Variants in RUFY2 observed in about 807,000 individuals in gnomAD.
RUFY2 encodes RUN and FYVE domain containing 2.
RUFY2 carries 49 observed loss-of-function variants against 94.4 expected under a neutral mutation model. That is an observed-to-expected ratio of 0.52 (90% CI 0.41 to 0.66). The LOEUF is 0.66. Among genes scored for constraint, RUFY2 ranks in the 30% least tolerant of loss-of-function variants. RUFY2 has a pLI of 0.00. For synonymous variants in RUFY2, 255 were observed against 235.7 expected (o/e 1.08, Z -0.75); for missense variants, 541 against 692.8 (o/e 0.78, Z 2.46).
intron 13 of RUFY2, among the ~76,000 whole-genome samples, chr10:68,366,291 C>T (rs2047805522): frequency 7.8e-6 from 1 of 128,882 alleles, no homozygotes; most frequent in Non-Finnish European, 1.5e-5. Context: ...GATCTCACTA[C>T]TGCACTCTAG....
intron 7 of RUFY2, among the ~76,000 whole-genome samples, chr10:68,390,074 A>G (rs963334198): frequency 6.6e-6 from 1 of 152,216 alleles, no homozygotes; most frequent in African/African-American, 2.4e-5. Flanking sequence ...GTTACCAAAA[A>G]GTGATTAGAA....
At chr10:68,386,285 A>C (rs982708615) in intron 7 of RUFY2, among the ~76,000 whole-genome samples, 157 bp from the exon 8 acceptor site, 1 of 152,186 alleles carries the variant, frequency 6.6e-6, no homozygotes, top group Admixed American at 6.5e-5. Context: ...GGATAACTTG[A>C]TTTAGCTAGG....
chr10:68,359,793 A>T (rs2047336420), intron 15 of RUFY2, among the ~76,000 whole-genome samples: 1 of 151,428 alleles, frequency 6.6e-6, no homozygotes, highest in Non-Finnish European at 1.5e-5. Context: ...CCGTCTCAAA[A>T]AAAAAAAAAG....
rs879508697 is a variant in RUFY2 at position 68,385,263 on chromosome 10, C to CAA, written c.720+794_720+795dup. Among the ~76,000 whole-genome samples, 11 of 121,740 alleles carry CAA rather than the reference C, an allele frequency of 9.0e-5. No individual in the cohort carries two copies. The East Asian group carries it at 1.6e-3, about 18-fold the overall frequency. 79.9% of individuals were successfully genotyped at this position (121,740 alleles called of 152,430 possible). On this transcript the variant is annotated intron_variant, in intron 8 of 17. Transcript: ENST00000602465. ...TGGGTGACAGAGCAAGACTCCATCT[C>CAA]AAAAAAAAAAAAAATTTAGGCTAAT...
chr10:68,382,345 C>A lies in RUFY2; in HGVS notation c.940-946G>T, dbSNP rs191421322. On this transcript the variant is annotated intron_variant, in intron 10 of 17. Coordinates refer to ENST00000602465, the MANE Select transcript of RUFY2 (RefSeq NM_001330103.2). ...TGCTGGGATTACAGGCGTGAGCCAC[C>A]GTGCCCGGCCAACACAGTTTAATTT... Among the ~76,000 whole-genome samples, 1,137 of 151,852 alleles carry A rather than the reference C, an allele frequency of 7.5e-3. 6 individuals carry two copies. The highest frequency in any genetic ancestry group is 0.012 in the Non-Finnish European group (786 of 67,958).
intron 2 of RUFY2, among the ~76,000 whole-genome samples, chr10:68,402,904 G>A (rs866624551): frequency 1.9e-4 from 27 of 144,876 alleles, no homozygotes; most frequent in African/African-American, 5.6e-4. Context: ...GGAGTGCAGT[G>A]GCATGATCTC....
chr10:68,370,448 CTTTT>C (rs949829713), intron 13 of RUFY2, among the ~76,000 whole-genome samples: 2 of 126,156 alleles, frequency 1.6e-5, no homozygotes, highest in African/African-American at 2.9e-5. Flanking sequence ...TTTCTTTTTT[CTTTT>C]TTTTTTTTTT....
At chr10:68,387,680 C>T (rs536864426) in intron 7 of RUFY2, among the ~76,000 whole-genome samples, 56 of 152,240 alleles carry the variant, frequency 3.7e-4, no homozygotes, top group South Asian at 2.9e-3. Flanking sequence ...AAGAGCCCTG[C>T]TTTTCTACTT....
Position 68,345,528 on chromosome 10 carries a change from T to C in RUFY2, c.*240A>G, listed in dbSNP as rs555029706. On this transcript the variant is annotated 3_prime_UTR_variant, in exon 18 of 18. Coordinates refer to ENST00000602465, the MANE Select transcript of RUFY2 (RefSeq NM_001330103.2). ...ATAAGGCAAGTTGTGTTAGCTCTGCTCTCTGGCCTTTTAATGAGTTACATG... is the reference window on the plus strand; with the variant it reads ...ATAAGGCAAGTTGTGTTAGCTCTGCCCTCTGGCCTTTTAATGAGTTACATG... The C allele has an allele frequency of 4.0e-5, 19 of 472,172 alleles. No individual in the cohort carries two copies. Among genetic ancestry groups the C allele is most frequent in the Non-Finnish European group, 5.9e-5 (16 of 269,782 alleles). 29.2% of individuals were successfully genotyped at this position (472,172 alleles called of 1,614,324 possible).
chr10:68,387,143 A>T (rs1422907568), intron 7 of RUFY2, among the ~76,000 whole-genome samples: 1 of 151,934 alleles, frequency 6.6e-6, no homozygotes, highest in Non-Finnish European at 1.5e-5. Context: ...GATCACCTGA[A>T]GTCAGGAGTT....
downstream of RUFY2, chr10:68,341,617 ACTC>A (rs771888170): frequency 3.1e-6 from 5 of 1,612,598 alleles, no homozygotes; most frequent in East Asian, 1.1e-4. Flanking sequence ...CTTGAATTCT[ACTC>A]CTGGAGGCGG....
At chr10:68,355,127 G>A (rs1425012803) in intron 16 of RUFY2, among the ~76,000 whole-genome samples, 4 of 152,154 alleles carry the variant, frequency 2.6e-5, no homozygotes, top group South Asian at 2.1e-4. Flanking sequence ...GATTACGGGC[G>A]TGAGCCACTG....
rs560718466 is a variant in RUFY2, at chr10:68,386,501, C to T, written c.651-373G>A. The stretch of plus-strand genomic sequence containing the variant: ...AATAGCTGGGTTTACAGGCGTGCGC[C>T]ACCATGCCCGGCTAATTTTTGTATT... On this transcript the variant is annotated intron_variant, in intron 7 of 17. Coordinates refer to ENST00000602465, the MANE Select transcript of RUFY2 (RefSeq NM_001330103.2). 5.3e-5 allele frequency among the ~76,000 whole-genome samples: 8 copies of T among 152,222 alleles called. 1 individual carries two copies. The South Asian group carries it at 1.7e-3, about 32-fold the overall frequency.
Position 68,374,946 on chromosome 10 carries a change from T to C in RUFY2, c.1325+1907A>G, listed in dbSNP as rs7899964. ...TATTCTTTAAAATCTTTTCTATCTA[T>C]ATATAAATATATATGCATGCATGGT... On this transcript the variant is annotated intron_variant, in intron 13 of 17. Transcript: ENST00000602465. 7.9e-3 allele frequency among the ~76,000 whole-genome samples: 1,200 copies of C among 152,302 alleles called. 24 individuals are homozygous for C. Among genetic ancestry groups the C allele is most frequent in the African/African-American group, 0.028 (1,159 of 41,570 alleles).
In RUFY2 at chr10:68,383,930, A is replaced by T; in HGVS notation, c.823-16T>A. 6.2e-7 allele frequency: 1 copy of T among 1,600,498 alleles called. No homozygotes were observed. The highest frequency in any genetic ancestry group is 8.6e-7 in the Non-Finnish European group (1 of 1,168,948). On this transcript the variant is annotated splice_polypyrimidine_tract_variant and intron_variant, in intron 9 of 17. Coordinates refer to ENST00000602465, the MANE Select transcript of RUFY2 (RefSeq NM_001330103.2). Reference sequence around the variant, plus strand: ...CTTTGGTAACCTAGGAAGAAAACAAAATTTTTCATTCTATAATCACTACTA... The same window carrying T: ...CTTTGGTAACCTAGGAAGAAAACAATATTTTTCATTCTATAATCACTACTA...
intron 16 of RUFY2, among the ~76,000 whole-genome samples, chr10:68,350,713 T>G (rs2046602189): frequency 6.7e-6 from 1 of 149,144 alleles, no homozygotes; most frequent in Non-Finnish European, 1.5e-5. Context: ...TGTTTTTTTG[T>G]TTTTGGTTTT....
chr10:68,396,715 C>A, intron 4 of RUFY2, 65 bp downstream of exon 4: 1 of 1,031,142 alleles, frequency 9.7e-7, no homozygotes, highest in Non-Finnish European at 1.5e-6. Context: ...CATCTTAAAT[C>A]CTTTTTGGAA....
At chr10:68,369,459 T>C (rs1206635364) in intron 13 of RUFY2, among the ~76,000 whole-genome samples, 2 of 144,582 alleles carry the variant, frequency 1.4e-5, no homozygotes, top group Non-Finnish European at 3.0e-5. Flanking sequence ...CACTACAGCC[T>C]GGGCAACAGA....
intron 10 of RUFY2, among the ~76,000 whole-genome samples, chr10:68,381,839 C>T (rs950588437): frequency 5.3e-5 from 8 of 152,160 alleles, no homozygotes; most frequent in Admixed American, 4.6e-4. Context: ...GAGAGTAAGA[C>T]TCTGTCTCAA....
Sources: allele counts gnomAD v4.1 joint callset (sites outside exome capture counted in the v4.1 genomes callset), GRCh38; gene constraint gnomAD v4.1.1; transcripts MANE v1.5; gene names NCBI Gene and HGNC (gene_info 2026-07-23, HGNC 2026-07-21).